The following MAP3K8 variants were observed in gnomAD, a reference collection of about 807,000 sequenced individuals.
The protein encoded by MAP3K8 is Ewing sarcoma transformant.
MAP3K8 carries 22 observed loss-of-function variants against 45.8 expected under a neutral mutation model. The observed-to-expected ratio is 0.48, with a 90% CI of 0.34 to 0.69. MAP3K8 has a LOEUF of 0.69. Among genes scored for constraint, MAP3K8 ranks in the 30% least tolerant of loss-of-function variants. MAP3K8 has a pLI of 0.01. For missense variants in MAP3K8, 419 were observed against 585.0 expected, an observed-to-expected ratio of 0.72 and a Z score of 2.93; for synonymous variants, 223 against 214.3, an observed-to-expected ratio of 1.04 and a Z score of -0.36.
intron 3 of MAP3K8, among the ~76,000 whole-genome samples, chr10:30,441,685 C>A (rs866235358): frequency 1.2e-4 from 19 of 152,146 alleles, no homozygotes; most frequent in African/African-American, 4.3e-4. Flanking sequence ...GTTGACTTTC[C>A]TGCCACTCAC....
chr10:30,457,118 G>C (rs1026025992), intron 6 of MAP3K8, among the ~76,000 whole-genome samples: 1 of 149,644 alleles, frequency 6.7e-6, no homozygotes. Context: ...TGAGATTATA[G>C]ACATGAGCCA....
intron 4 of MAP3K8, among the ~76,000 whole-genome samples, chr10:30,449,484 C>T (rs1836462031): frequency 6.6e-6 from 1 of 152,070 alleles, no homozygotes; most frequent in Non-Finnish European, 1.5e-5. Context: ...GAGTTGGACC[C>T]ATCATTTTTA....
Position 30,437,271 on chromosome 10 carries a change from G to C in MAP3K8, c.-159G>C. ...GCTAACGCAGTATCTGCAAAGCCAG[G>C]AGTCTGACTCAGTACTTTTCTCACT... On this transcript the variant is annotated 5_prime_UTR_variant, in exon 2 of 9. Coordinates refer to ENST00000263056, the MANE Select transcript of MAP3K8 (RefSeq NM_005204.4). 2 of 985,326 alleles carry C rather than the reference G, an allele frequency of 2.0e-6. No homozygotes were observed. The highest frequency in any genetic ancestry group is 5.2e-4 in the Middle Eastern group (1 of 1,914). The allele number at this position is 985,326 out of a possible 1,614,324, so 61.0% of individuals were successfully genotyped here. A position where few individuals can be genotyped will look rare whatever the true frequency, so the allele number is the denominator to read the frequency against.
chr10:30,456,043 C>A (rs1836717996), intron 6 of MAP3K8, among the ~76,000 whole-genome samples: 1 of 152,202 alleles, frequency 6.6e-6, no homozygotes, highest in South Asian at 2.1e-4. Context: ...ACCTGCAGAG[C>A]CACCTCTGCA....
chr10:30,447,303 A>C (rs1836373889), intron 3 of MAP3K8, among the ~76,000 whole-genome samples: 1 of 152,234 alleles, frequency 6.6e-6, no homozygotes, highest in Non-Finnish European at 1.5e-5. Flanking sequence ...GCTCTGACAT[A>C]CGCTGTGGTT....
chr10:30,447,972 A>G, intron 4 of MAP3K8, 23 bp downstream of exon 4: 1 of 1,577,182 alleles, frequency 6.3e-7, no homozygotes, highest in Non-Finnish European at 8.6e-7. Flanking sequence ...TACCTAGATA[A>G]CCCACACTGT....
Position 30,439,161 on chromosome 10 carries a change from T to G in MAP3K8, c.223T>G (p.Ser75Ala), listed in dbSNP as rs1474590339. The change falls in exon 3 of 9, where the codon TCA becomes GCA. Residue 75 changes from serine (S) to alanine (A), a missense_variant. Physicochemically the swap from Ser to Ala is moderately conservative, Grantham distance 99 (BLOSUM62 1). Coordinates refer to ENST00000263056, the MANE Select transcript of MAP3K8 (RefSeq NM_005204.4). The stretch of plus-strand genomic sequence containing the variant: ...TGGCCAAGAGGTACCATGGTTGTCA[T>G]CAGTCAGATATGGAACTGTGGAGGA... Reference protein sequence around the residue: ...LSGQEVPWLSSVRYGTVEDLL... With the variant: ...LSGQEVPWLSAVRYGTVEDLL... 1.2e-6 allele frequency: 2 copies of G among 1,614,216 alleles called. No homozygotes were observed. The highest frequency in any genetic ancestry group is 2.2e-5 in the South Asian group (2 of 91,086).
chr10:30,443,583 A>G (rs1293220855), intron 3 of MAP3K8, among the ~76,000 whole-genome samples: 4 of 152,144 alleles, frequency 2.6e-5, no homozygotes, highest in Non-Finnish European at 2.9e-5. Flanking sequence ...GAATGTGAGG[A>G]TCCATTTGTT....
intron 3 of MAP3K8, among the ~76,000 whole-genome samples, chr10:30,443,305 A>G (rs1836179646): frequency 6.6e-6 from 1 of 152,260 alleles, no homozygotes; most frequent in South Asian, 2.1e-4. Flanking sequence ...ATTAATGAAT[A>G]CATGTGACCT....
chr10:30,446,923 T>C (rs1184900102), intron 3 of MAP3K8, among the ~76,000 whole-genome samples: 1 of 152,166 alleles, frequency 6.6e-6, no homozygotes, highest in Non-Finnish European at 1.5e-5. Flanking sequence ...TGTGTTTTTA[T>C]TTTTTTCTGT....
chr10:30,450,357 A>G lies in MAP3K8; in HGVS notation c.604A>G (p.Thr202Ala). 1 of 1,614,050 alleles carries G rather than the reference A, an allele frequency of 6.2e-7. No homozygotes were observed. Among genetic ancestry groups the G allele is most frequent in the South Asian group, 1.1e-5 (1 of 91,072 alleles). The change falls in exon 5 of 9, where the codon ACT becomes GCT. Residue 202 changes from threonine to alanine, a missense_variant. This residue lies in a region of MAP3K8 where 209 missense variants were observed against 367.3 expected (regional missense o/e 0.57). Transcript: ENST00000263056. ...ELYGAVLWGE[T>A]VHLFMEAGEG... ...GTATGGCGCAGTCCTGTGGGGTGAA[A>G]CTGTCCATCTCTTTATGGAAGCAGG...
chr10:30,455,623 T>G (rs887170060), intron 6 of MAP3K8, among the ~76,000 whole-genome samples: 3 of 152,142 alleles, frequency 2.0e-5, no homozygotes, highest in African/African-American at 7.2e-5. Context: ...TTTTGAAAAA[T>G]CCTTCTAAGT....
Position 30,460,805 on chromosome 10 carries a change from T to G in MAP3K8, c.1373T>G (p.Val458Gly). 1 of 1,613,972 alleles carries G rather than the reference T, an allele frequency of 6.2e-7. No homozygotes were observed. Among genetic ancestry groups the G allele is most frequent in the Non-Finnish European group, 8.5e-7 (1 of 1,180,016 alleles). Residue 458 changes from valine to glycine, a missense_variant, in exon 9 of 9, where the codon GTT becomes GGT. Val to Gly is a moderately radical substitution (Grantham distance 109). Transcript: ENST00000263056. ...LGALAGYFNL[V>G]RGPPTLEYG ...GCTCTGGCTGGCTACTTCAATCTTG[T>G]TCGGGGACCACCAACGCTTGAATAT...
chr10:30,438,520 A>G (rs1835985090), intron 2 of MAP3K8, among the ~76,000 whole-genome samples: 1 of 152,226 alleles, frequency 6.6e-6, no homozygotes. Context: ...GGAGGGTGCC[A>G]CTTCGGGGGA....
At chr10:30,458,810 C>A (rs1836834434) in intron 7 of MAP3K8, among the ~76,000 whole-genome samples, 1 of 152,192 alleles carries the variant, frequency 6.6e-6, no homozygotes, top group African/African-American at 2.4e-5. Context: ...CACGGTGGCT[C>A]ACGCCTGTAA....
intron 3 of MAP3K8, among the ~76,000 whole-genome samples, chr10:30,443,220 C>A (rs964242284): frequency 1.3e-5 from 2 of 152,164 alleles, no homozygotes; most frequent in Admixed American, 6.5e-5. Context: ...GGTCATTTCA[C>A]CTGTCTGTGC....
In MAP3K8 at chr10:30,458,270, G is replaced by GGC. The variant is rs111530310; in HGVS notation, c.1026+35_1026+36insCG. 155 of 1,367,172 alleles carry GGC rather than the reference G, an allele frequency of 1.1e-4. 11 individuals are homozygous for GGC. In the Middle Eastern group the frequency reaches 1.2e-3, roughly 10 times the overall value. The allele number at this position is 1,367,172 out of a possible 1,614,324, so 84.7% of individuals were successfully genotyped here. A position where few individuals can be genotyped will look rare whatever the true frequency, so the allele number is the denominator to read the frequency against. ...GGTTCAACCAGGGCTGGGGGCGGCG[G>GGC]GGGGGGGCGTTGAGTTATGCATCCC... is the stretch of plus-strand genomic sequence containing the variant. On this transcript the variant is annotated intron_variant, in intron 7 of 8. Coordinates refer to ENST00000263056, the MANE Select transcript of MAP3K8 (RefSeq NM_005204.4).
At chr10:30,452,363 G>T (rs1836573073) in intron 6 of MAP3K8, among the ~76,000 whole-genome samples, 3 of 152,186 alleles carry the variant, frequency 2.0e-5, no homozygotes, top group Middle Eastern at 3.4e-3. Flanking sequence ...CAGCTACTCG[G>T]GAGGCTGAGG....
intron 7 of MAP3K8, among the ~76,000 whole-genome samples, 194 bp downstream of exon 7, chr10:30,458,430 A>G (rs1287346458): frequency 1.3e-5 from 2 of 152,234 alleles, no homozygotes; most frequent in African/African-American, 4.8e-5. Flanking sequence ...TAGCTATTTT[A>G]GTGGGAGCTT....
Sources: allele counts gnomAD v4.1 joint callset (sites outside exome capture counted in the v4.1 genomes callset), GRCh38; gene constraint gnomAD v4.1.1; regional missense constraint gnomAD v4.1.1; transcripts MANE v1.5; gene names NCBI Gene and HGNC (gene_info 2026-07-23, HGNC 2026-07-21).